CYP3A43: variants seen among roughly 807,000 people sequenced by gnomAD.
CYP3A43 encodes cytochrome P450 family 3 subfamily A member 43.
In CYP3A43, 45 loss-of-function variants were observed where a neutral mutation model predicts 58.0. That is an observed-to-expected ratio of 0.78 (90% CI 0.61 to 0.99). The LOEUF (loss-of-function observed/expected upper bound fraction) is 0.99. CYP3A43 is among the 50% of genes least tolerant of loss of function. The probability of loss-of-function intolerance (pLI) is 0.00; values close to 1 mark genes in which losing one functional copy is unlikely to be tolerated. For missense variants in CYP3A43, 593 were observed against 591.9 expected (o/e 1.00, Z -0.02); for synonymous variants, 191 against 201.4 (o/e 0.95, Z 0.44).
intron 1 of CYP3A43, among the ~76,000 whole-genome samples, chr7:99,830,784 T>C (rs1191514293): frequency 6.6e-6 from 1 of 152,216 alleles, no homozygotes; most frequent in Non-Finnish European, 1.5e-5. Context: ...CTCCCATGCA[T>C]ATTCATGAGA....
At chr7:99,845,478 G>A (rs579424) in intron 4 of CYP3A43, among the ~76,000 whole-genome samples, 29,694 of 151,670 alleles carry the variant, frequency 0.2, 5,834 homozygotes, top group African/African-American at 0.51. Flanking sequence ...GTGCACCACC[G>A]TGCTCATCTA....
intron 2 of CYP3A43, chr7:99,838,641 C>T (rs1293114217): frequency 1.6e-6 from 2 of 1,280,988 alleles, no homozygotes; most frequent in Non-Finnish European, 2.0e-6. Context: ...TTCTCCATTT[C>T]AAATATCTTC....
At chr7:99,863,744 A>ATGTAG in intron 12 of CYP3A43, 45 bp downstream of exon 12, 1 of 1,416,688 alleles carries the variant, frequency 7.1e-7, no homozygotes, top group African/African-American at 1.4e-5. Flanking sequence ...GAGTTTTTTA[A>ATGTAG]ACTGAGAAGT....
intron 9 of CYP3A43, among the ~76,000 whole-genome samples, chr7:99,859,238 T>C (rs923056162): frequency 1.3e-5 from 2 of 152,318 alleles, no homozygotes; most frequent in Admixed American, 1.3e-4. Context: ...TTTGAGATTC[T>C]GCATTTCTGA....
intron 2 of CYP3A43, 75 bp downstream of exon 2, chr7:99,836,621 T>A (rs1817092531): frequency 1.8e-6 from 2 of 1,113,438 alleles, no homozygotes; most frequent in Non-Finnish European, 2.6e-6. Context: ...GTAAAAATGC[T>A]CCTCCTCAGG....
chr7:99,847,344 T>C (rs985573818), intron 4 of CYP3A43, 144 bp from the exon 5 acceptor site: 11 of 705,760 alleles, frequency 1.6e-5, no homozygotes, highest in Middle Eastern at 3.7e-4. Flanking sequence ...TAAATCTTTA[T>C]TGAGCATCTA....
chr7:99,855,482 G>T lies in CYP3A43; in HGVS notation c.671-109G>T, dbSNP rs916430492. On this transcript the variant is annotated intron_variant, in intron 7 of 12. Coordinates refer to ENST00000354829, the MANE Select transcript of CYP3A43 (RefSeq NM_057095.3). ...AAAGGTCATACAGGAAATGGATCCT[G>T]GTTGAGAACCCTGAAGTCTATAGGT... The T allele has an allele frequency of 3.7e-5, 50 of 1,348,062 alleles. No homozygotes were observed. The Admixed American group carries it at 3.8e-4, about 10-fold the overall frequency. The allele number at this position is 1,348,062 out of a possible 1,614,324, so 83.5% of individuals were successfully genotyped here. A position where few individuals can be genotyped will look rare whatever the true frequency, so the allele number is the denominator to read the frequency against.
intron 3 of CYP3A43, chr7:99,839,428 A>G (rs1817239979): frequency 1.5e-6 from 1 of 661,790 alleles, no homozygotes; most frequent in African/African-American, 1.8e-5. Context: ...TAAACTCACT[A>G]TGACAAAGGG....
intron 10 of CYP3A43, 92 bp downstream of exon 10, chr7:99,860,082 G>C (rs1160154274): frequency 5.5e-6 from 8 of 1,462,762 alleles, no homozygotes; most frequent in Non-Finnish European, 6.4e-6. Flanking sequence ...TTTGCAAAAA[G>C]CGTAAGCATC....
intron 11 of CYP3A43, among the ~76,000 whole-genome samples, chr7:99,863,155 G>C (rs921910320): frequency 6.6e-6 from 1 of 152,150 alleles, no homozygotes; most frequent in Non-Finnish European, 1.5e-5. Context: ...CTGCATGTCA[G>C]CTTCCCTGTC....
intron 3 of CYP3A43, among the ~76,000 whole-genome samples, chr7:99,841,452 C>A (rs1380357174): frequency 6.6e-6 from 1 of 152,112 alleles, no homozygotes; most frequent in Non-Finnish European, 1.5e-5. Flanking sequence ...GGCTGGAGTG[C>A]AATGGGGTGA....
At chr7:99,829,976 T>C (rs930927674) in intron 1 of CYP3A43, among the ~76,000 whole-genome samples, 1 of 152,124 alleles carries the variant, frequency 6.6e-6, no homozygotes, top group Non-Finnish European at 1.5e-5. Flanking sequence ...CAGGGGAAAG[T>C]TGGGGCTCCA....
intron 3 of CYP3A43, among the ~76,000 whole-genome samples, chr7:99,840,145 G>T (rs1817274452): frequency 6.6e-6 from 1 of 152,192 alleles, no homozygotes; most frequent in Non-Finnish European, 1.5e-5. Flanking sequence ...GAAAAGAAAT[G>T]ATTTGGGGGG....
In CYP3A43 at chr7:99,865,986, T is replaced by C. The variant is rs1204568364; in HGVS notation, c.1497T>C (p.Ile499=). 3.7e-6 allele frequency: 6 copies of C among 1,603,042 alleles called. No homozygotes were observed. Among genetic ancestry groups the C allele is most frequent in the Non-Finnish European group, 5.1e-6 (6 of 1,174,510 alleles). The change falls in exon 13 of 13, where the codon ATT becomes ATC. Residue 499 remains isoleucine, a synonymous_variant. Transcript: ENST00000354829. Reference sequence around the variant, plus strand: ...TAAAAGTGCACTTAAGAGATGGGATTACAAGTGGACCCTGACTTTCCCTAA... The same window carrying C: ...TAAAAGTGCACTTAAGAGATGGGATCACAAGTGGACCCTGACTTTCCCTAA... The part of the protein sequence containing the change: ...IVLKVHLRDG[I]TSGP
At chr7:99,845,353 C>T (rs550392502) in intron 4 of CYP3A43, among the ~76,000 whole-genome samples, 75 of 151,784 alleles carry the variant, frequency 4.9e-4, no homozygotes, top group Admixed American at 2.0e-3. Context: ...GACAGAGTCT[C>T]GCTCTGTCAC....
Position 99,865,942 on chromosome 7 carries a change from C to G in CYP3A43, c.1453C>G (p.Pro485Ala), listed in dbSNP as rs764609723. The G allele has an allele frequency of 6.2e-7, 1 of 1,608,424 alleles. No individual in the cohort carries two copies. The highest frequency in any genetic ancestry group is 1.1e-5 in the South Asian group (1 of 89,538). ...ATTAGACAATCTACCAATTCTTCAA[C>G]CAGAAAAACCTATTGTTCTAAAAGT... ...LKLDNLPILQPEKPIVLKVHL... is the reference protein window; with the variant it reads ...LKLDNLPILQAEKPIVLKVHL... Residue 485 changes from proline to alanine, a missense_variant, in exon 13 of 13, where the codon CCA (proline) becomes GCA (alanine). By Grantham distance (27) the Pro-to-Ala change is conservative. Coordinates refer to ENST00000354829, the MANE Select transcript of CYP3A43 (RefSeq NM_057095.3).
At chr7:99,863,985 A>G (rs529425039) in intron 12 of CYP3A43, among the ~76,000 whole-genome samples, 1 of 148,734 alleles carries the variant, frequency 6.7e-6, no homozygotes, top group African/African-American at 2.6e-5. Context: ...TTTCATGTCA[A>G]CTGTAAAGAT....
chr7:99,836,955 G>A (rs1817108619), intron 2 of CYP3A43, among the ~76,000 whole-genome samples: 1 of 152,094 alleles, frequency 6.6e-6, no homozygotes, highest in Non-Finnish European at 1.5e-5. Flanking sequence ...AAACTTTCCT[G>A]TTTTCACCAA....
chr7:99,838,488 T>C (rs1465065035), intron 2 of CYP3A43, among the ~76,000 whole-genome samples: 1 of 152,204 alleles, frequency 6.6e-6, no homozygotes, highest in Non-Finnish European at 1.5e-5. Flanking sequence ...GTGGTGATAA[T>C]TCAGGGGTTT....
Sources: allele counts gnomAD v4.1 joint callset (sites outside exome capture counted in the v4.1 genomes callset), GRCh38; gene constraint gnomAD v4.1.1; transcripts MANE v1.5; gene names NCBI Gene and HGNC (gene_info 2026-07-23, HGNC 2026-07-21).